Variants in TYW1B observed in about 807,000 individuals in gnomAD.
The protein encoded by TYW1B is S-adenosyl-L-methionine-dependent tRNA 4-demethylwyosine synthase TYW1B.
TYW1B carries 73 observed loss-of-function variants against 86.9 expected under a neutral mutation model. That is an observed-to-expected ratio of 0.84 (90% confidence interval 0.70 to 1.02). TYW1B has a LOEUF of 1.02. TYW1B is among the 50% of genes least tolerant of loss of function. The pLI is 0.00. For synonymous variants in TYW1B, 248 were observed against 292.8 expected (o/e 0.85, Z 1.56); for missense variants, 637 against 827.4 (o/e 0.77, Z 2.82).
chr7:72,620,892 A>AG (rs1812197416), intron 12 of TYW1B, among the ~76,000 whole-genome samples: 2 of 152,214 alleles, frequency 1.3e-5, no homozygotes, highest in South Asian at 4.1e-4. Context: ...CTGCAGGCTG[A>AG]GGAGTAACAA....
At position 72,728,762 on chromosome 7, in the gene TYW1B, C is replaced by G; in HGVS notation, c.1192+60G>C. Reference sequence around the variant, plus strand: ...TCCTACCAAAGAGGCAATTCTTCTGCCAATCTGATTCAGACTATTAACAAG... The same window carrying G: ...TCCTACCAAAGAGGCAATTCTTCTGGCAATCTGATTCAGACTATTAACAAG... On this transcript the variant is annotated intron_variant, in intron 9 of 13. Transcript: ENST00000620995. 5 of 1,501,436 alleles carry G rather than the reference C, an allele frequency of 3.3e-6. No homozygotes were observed. The South Asian group carries it at 6.4e-5, about 19-fold the overall frequency. The allele number at this position is 1,501,436 out of a possible 1,614,324, so 93.0% of individuals were successfully genotyped here.
chr7:72,598,935 T>C (rs1202273477), intron 13 of TYW1B, among the ~76,000 whole-genome samples: 1 of 152,076 alleles, frequency 6.6e-6, no homozygotes, highest in Non-Finnish European at 1.5e-5. Flanking sequence ...CCTAGGTGGG[T>C]TCACTGGTGA....
At chr7:72,778,724 T>G (rs1787999377) in intron 6 of TYW1B, among the ~76,000 whole-genome samples, 4 of 152,192 alleles carry the variant, frequency 2.6e-5, no homozygotes, top group Admixed American at 2.6e-4. Context: ...ATATTTTTCT[T>G]CAGTGATAGA....
chr7:72,813,011 A>C (rs1563103458), intron 3 of TYW1B, among the ~76,000 whole-genome samples: 1 of 151,828 alleles, frequency 6.6e-6, no homozygotes, highest in Non-Finnish European at 1.5e-5. Context: ...TTTTTAAAGA[A>C]AGTTTTAGTG....
chr7:72,761,514 C>T (rs1554467172), intron 7 of TYW1B, among the ~76,000 whole-genome samples: 2 of 151,398 alleles, frequency 1.3e-5, no homozygotes, highest in Admixed American at 1.3e-4. Flanking sequence ...TCACTTGAGG[C>T]CAGGAGTTTG....
At chr7:72,756,385 C>T (rs1277368136) in intron 7 of TYW1B, among the ~76,000 whole-genome samples, 4 of 151,968 alleles carry the variant, frequency 2.6e-5, no homozygotes, top group Non-Finnish European at 5.9e-5. Flanking sequence ...CAGGCATGCG[C>T]CACCATGCCC....
chr7:72,639,255 A>C (rs1812746285), intron 11 of TYW1B, among the ~76,000 whole-genome samples: 1 of 148,844 alleles, frequency 6.7e-6, no homozygotes, highest in Admixed American at 6.7e-5. Flanking sequence ...ATTTTTTTTA[A>C]ATTTTTTGTT....
intron 2 of TYW1B, among the ~76,000 whole-genome samples, chr7:72,819,344 C>T (rs1403939552): frequency 6.6e-6 from 1 of 152,132 alleles, no homozygotes; most frequent in Non-Finnish European, 1.5e-5. Flanking sequence ...TGAGAGTATA[C>T]TGGAGTCAGA....
intron 13 of TYW1B, among the ~76,000 whole-genome samples, chr7:72,586,613 C>A (rs531694146): frequency 6.6e-6 from 1 of 151,412 alleles, no homozygotes; most frequent in Non-Finnish European, 1.5e-5. Flanking sequence ...GGTGCATGCC[C>A]GTAATCCCAG....
intron 10 of TYW1B, among the ~76,000 whole-genome samples, chr7:72,704,305 A>G (rs1814561346): frequency 6.6e-6 from 1 of 151,946 alleles, no homozygotes; most frequent in African/African-American, 2.4e-5. Context: ...ATGGTGGTGC[A>G]TGCCTGTAAT....
intron 10 of TYW1B, among the ~76,000 whole-genome samples, chr7:72,696,536 G>A (rs781865677): frequency 5.3e-5 from 8 of 152,030 alleles, no homozygotes; most frequent in East Asian, 1.9e-4. Context: ...CTTTATATAC[G>A]TATCAGTAGC....
At chr7:72,599,214 T>G (rs368357557) in intron 13 of TYW1B, among the ~76,000 whole-genome samples, 8,807 of 109,474 alleles carry the variant, frequency 0.08, 48 homozygotes, top group Admixed American at 0.15. Flanking sequence ...ATTCCAGGTA[T>G]GGAAGACTGG....
At chr7:72,765,185 T>C (rs1787749828) in intron 7 of TYW1B, among the ~76,000 whole-genome samples, 2 of 152,278 alleles carry the variant, frequency 1.3e-5, no homozygotes, top group Middle Eastern at 3.4e-3. Context: ...AGGCTCACGA[T>C]CCTTAAGATT....
At chr7:72,738,769 A>T (rs1267667224) in intron 8 of TYW1B, among the ~76,000 whole-genome samples, 2 of 152,152 alleles carry the variant, frequency 1.3e-5, no homozygotes, top group Non-Finnish European at 2.9e-5. Context: ...GATAACTAAA[A>T]GAGGAAATAC....
chr7:72,672,164 C>T (rs1813622429), intron 11 of TYW1B, among the ~76,000 whole-genome samples: 1 of 151,992 alleles, frequency 6.6e-6, no homozygotes, highest in Admixed American at 6.6e-5. Context: ...TTTTGCCTGC[C>T]ACCATCCACG....
Position 72,731,952 on chromosome 7 carries a change from T to A in TYW1B, c.1083-3021A>T, listed in dbSNP as rs1328241065. On this transcript the variant is annotated intron_variant, in intron 8 of 13. Transcript: ENST00000620995. ...AGGACTCCATCTCAAATAAAAAAAT[T>A]AAAAAATTTAAAAAAAGCAAGCAAG... 2.6e-5 allele frequency among the ~76,000 whole-genome samples: 4 copies of A among 151,756 alleles called. No homozygotes were observed. The South Asian group carries it at 6.2e-4, about 24-fold the overall frequency.
intron 11 of TYW1B, among the ~76,000 whole-genome samples, chr7:72,683,529 C>G (rs1418301954): frequency 2.6e-5 from 4 of 152,258 alleles, no homozygotes; most frequent in African/African-American, 9.6e-5. Context: ...GAGATCGTGC[C>G]ACTGCACTCC....
intron 7 of TYW1B, among the ~76,000 whole-genome samples, chr7:72,763,336 G>A (rs1787719168): frequency 7.4e-6 from 1 of 135,010 alleles, no homozygotes; most frequent in South Asian, 2.4e-4. Flanking sequence ...AGGCTGGAGT[G>A]CAGTGGCGTA....
At chr7:72,673,263 A>G (rs1813654840) in intron 11 of TYW1B, among the ~76,000 whole-genome samples, 1 of 152,254 alleles carries the variant, frequency 6.6e-6, no homozygotes, top group Non-Finnish European at 1.5e-5. Flanking sequence ...CTCTTTTCAG[A>G]TCAGTATATC....
Sources: allele counts gnomAD v4.1 joint callset (sites outside exome capture counted in the v4.1 genomes callset), GRCh38; gene constraint gnomAD v4.1.1; transcripts MANE v1.5; gene names NCBI Gene and HGNC (gene_info 2026-07-23, HGNC 2026-07-21).